The following PDZRN4 variants were observed in gnomAD, a reference collection of about 807,000 sequenced individuals.
The protein encoded by PDZRN4 is PDZ domain containing ring finger 4, also known as PDZ domain-containing RING finger protein 4.
PDZRN4 carries 70 observed loss-of-function variants against 99.0 expected under a neutral mutation model. The observed-to-expected ratio is 0.71, with a 90% CI of 0.58 to 0.86. The LOEUF is 0.86. Ranked by LOEUF, PDZRN4 falls within the 40% of genes least tolerant of loss-of-function variation. PDZRN4 has a pLI of 0.00. For missense variants in PDZRN4, 1,474 were observed against 1,331.2 expected, an observed-to-expected ratio of 1.11 and a Z score of -1.67; for synonymous variants, 551 against 501.6, an observed-to-expected ratio of 1.10 and a Z score of -1.32.
chr12:41,323,971 G>A (rs73122901), intron 3 of PDZRN4, among the ~76,000 whole-genome samples: 25,315 of 151,802 alleles, frequency 0.17, 2,616 homozygotes, highest in Non-Finnish European at 0.23. Flanking sequence ...AACTGTTTAG[G>A]CTTATTTCTT....
intron 3 of PDZRN4, among the ~76,000 whole-genome samples, chr12:41,279,764 T>C (rs1951371367): frequency 6.6e-6 from 1 of 152,188 alleles, no homozygotes; most frequent in Non-Finnish European, 1.5e-5. Context: ...TTGGAGATAA[T>C]TATAGTAGTA....
chr12:41,297,880 A>G (rs577545264), intron 3 of PDZRN4, among the ~76,000 whole-genome samples: 20 of 152,340 alleles, frequency 1.3e-4, no homozygotes, highest in Non-Finnish European at 2.2e-4. Context: ...TCATCCTCTA[A>G]GAGACACAAG....
intron 3 of PDZRN4, among the ~76,000 whole-genome samples, chr12:41,433,596 G>A (rs1197204721): frequency 2.6e-5 from 4 of 152,168 alleles, no homozygotes; most frequent in African/African-American, 9.7e-5. Context: ...TAGTGGCAAG[G>A]GTAAAGAGAG....
chr12:41,331,957 T>C (rs2120995649), intron 3 of PDZRN4, among the ~76,000 whole-genome samples: 1 of 152,192 alleles, frequency 6.6e-6, no homozygotes, highest in East Asian at 1.9e-4. Flanking sequence ...GTCAAAGAGC[T>C]AGGGTAGGAA....
intron 3 of PDZRN4, among the ~76,000 whole-genome samples, chr12:41,412,687 G>A (rs1952409108): frequency 6.6e-6 from 1 of 152,140 alleles, no homozygotes; most frequent in South Asian, 2.1e-4. Context: ...ACATAGTTAA[G>A]ATGATATAAT....
At chr12:41,194,306 C>T in intron 3 of PDZRN4, 118 bp downstream of exon 3, 2 of 647,090 alleles carry the variant, frequency 3.1e-6, no homozygotes, top group South Asian at 1.8e-5. Context: ...TTCTTAGTAG[C>T]AGTAAAGGCA....
At chr12:41,444,634 T>G (rs1332714936) in intron 3 of PDZRN4, among the ~76,000 whole-genome samples, 1 of 152,084 alleles carries the variant, frequency 6.6e-6, no homozygotes, top group African/African-American at 2.4e-5. Context: ...TTCAAAAACT[T>G]TAGATATGAC....
chr12:41,338,692 T>A (rs1458812816), intron 3 of PDZRN4, among the ~76,000 whole-genome samples: 4 of 151,776 alleles, frequency 2.6e-5, no homozygotes, highest in Non-Finnish European at 5.9e-5. Flanking sequence ...CCAACAAATT[T>A]GAGAACATAG....
intron 3 of PDZRN4, among the ~76,000 whole-genome samples, chr12:41,312,649 G>A (rs781281198): frequency 2.0e-5 from 3 of 152,066 alleles, no homozygotes; most frequent in Non-Finnish European, 2.9e-5. Flanking sequence ...ATGTGCAGGG[G>A]AACTCCCCTT....
intron 5 of PDZRN4, among the ~76,000 whole-genome samples, chr12:41,527,926 TA>T (rs1938597412): frequency 6.6e-6 from 1 of 152,224 alleles, no homozygotes. Context: ...CTATGTGAGA[TA>T]TTCATTCCAG....
At chr12:41,201,727 A>G (rs138580458) in intron 3 of PDZRN4, among the ~76,000 whole-genome samples, 75 of 152,210 alleles carry the variant, frequency 4.9e-4, no homozygotes, top group African/African-American at 1.6e-3. Flanking sequence ...TTCTTGCCAT[A>G]TATTTATTAC....
intron 5 of PDZRN4, among the ~76,000 whole-genome samples, chr12:41,524,805 G>A (rs1938545225): frequency 6.6e-6 from 1 of 152,024 alleles, no homozygotes; most frequent in African/African-American, 2.4e-5. Flanking sequence ...ACACTGTCAA[G>A]TTTGGTAAGG....
chr12:41,356,351 A>G (rs1951927064), intron 3 of PDZRN4, among the ~76,000 whole-genome samples: 1 of 152,026 alleles, frequency 6.6e-6, no homozygotes, highest in Non-Finnish European at 1.5e-5. Flanking sequence ...GATATAATTT[A>G]TGTTTTCTAT....
At chr12:41,286,463 TC>T (rs1951423711) in intron 3 of PDZRN4, among the ~76,000 whole-genome samples, 1 of 151,438 alleles carries the variant, frequency 6.6e-6, no homozygotes, top group African/African-American at 2.4e-5. Flanking sequence ...TAAAAAACAT[TC>T]CCCAGCTAAT....
intron 3 of PDZRN4, among the ~76,000 whole-genome samples, chr12:41,200,374 C>T (rs1346905): frequency 0.67 from 101,662 of 152,028 alleles, 34,152 homozygotes; most frequent in South Asian, 0.74. Context: ...ATCACTGAGA[C>T]TTTATTATTA....
intron 3 of PDZRN4, among the ~76,000 whole-genome samples, chr12:41,462,725 A>G (rs1180680565): frequency 6.6e-6 from 1 of 152,180 alleles, no homozygotes; most frequent in Non-Finnish European, 1.5e-5. Flanking sequence ...CTCCTTTGCT[A>G]TAGAGAGAAT....
chr12:41,438,484 T>G (rs1952650943), intron 3 of PDZRN4, among the ~76,000 whole-genome samples: 1 of 152,220 alleles, frequency 6.6e-6, no homozygotes, highest in African/African-American at 2.4e-5. Flanking sequence ...ATTTGTGCTT[T>G]GGTTTAAGAG....
chr12:41,212,269 TTTTAC>T (rs1023481906), intron 3 of PDZRN4, among the ~76,000 whole-genome samples: 1 of 152,044 alleles, frequency 6.6e-6, no homozygotes, highest in Non-Finnish European at 1.5e-5. Flanking sequence ...CAATGCAATA[TTTTAC>T]TTTCATTTGT....
intron 3 of PDZRN4, among the ~76,000 whole-genome samples, chr12:41,285,624 A>T (rs1951417520): frequency 6.6e-6 from 1 of 152,352 alleles, no homozygotes; most frequent in Middle Eastern, 3.4e-3. Context: ...TCAACGTTAG[A>T]CTGGACAAAG....
Sources: allele counts gnomAD v4.1 joint callset (sites outside exome capture counted in the v4.1 genomes callset), GRCh38; gene constraint gnomAD v4.1.1; transcripts MANE v1.5; gene names NCBI Gene and HGNC (gene_info 2026-07-23, HGNC 2026-07-21).